IL12RB1: variants seen among roughly 807,000 people sequenced by gnomAD.
The protein encoded by IL12RB1 is interleukin-12 receptor subunit beta-1.
A neutral mutation model predicts 94.4 loss-of-function variants in IL12RB1; 64 were observed. The observed-to-expected ratio is 0.68, with a 90% CI of 0.55 to 0.83. The LOEUF (loss-of-function observed/expected upper bound fraction) is 0.83. Ranked by LOEUF, IL12RB1 falls within the 40% of genes least tolerant of loss-of-function variation. The pLI is 0.00. For missense variants in IL12RB1, 814 were observed against 855.6 expected, an observed-to-expected ratio of 0.95 and a Z score of 0.61; for synonymous variants, 362 against 355.5, an observed-to-expected ratio of 1.02 and a Z score of -0.21.
intron 12 of IL12RB1, among the ~76,000 whole-genome samples, chr19:18,065,756 T>C (rs2034528431): frequency 6.6e-6 from 1 of 151,500 alleles, no homozygotes; most frequent in African/African-American, 2.4e-5. Flanking sequence ...GAGGCAGAGG[T>C]TGCAGTGAGC....
Position 18,062,308 on chromosome 19 carries a change from G to T in IL12RB1, c.1619-31C>A, listed in dbSNP as rs377244873. The stretch of plus-strand genomic sequence containing the variant: ...GTGGGAGAGCGTGGGTTGGCAGAGG[G>T]CTACCTCCTGCCTCTTCCTCAGGGA... On this transcript the variant is annotated intron_variant, in intron 13 of 16. Transcript: ENST00000593993. The T allele has an allele frequency of 2.0e-4, 268 of 1,353,932 alleles. 4 individuals are homozygous for T. Among genetic ancestry groups the T allele is most frequent in the South Asian group, 1.8e-3 (152 of 84,258 alleles). The allele number at this position is 1,353,932 out of a possible 1,614,324, so 83.9% of individuals were successfully genotyped here.
chr19:18,068,306 G>A (rs1043101659), intron 11 of IL12RB1, 83 bp downstream of exon 11: 17 of 1,141,106 alleles, frequency 1.5e-5, no homozygotes, highest in South Asian at 4.8e-5. Context: ...GATTACATGC[G>A]TGAGTCACTG....
chr19:18,063,901 C>T lies in IL12RB1; in HGVS notation c.1593G>A (p.Trp531Ter), dbSNP rs910368200. Residue 531 changes from tryptophan (W) to a stop codon, truncating the protein, a stop_gained, in exon 13 of 17, where the codon TGG becomes TGA. Coordinates refer to ENST00000593993, the MANE Select transcript of IL12RB1 (RefSeq NM_005535.3). LOFTEE classifies it high-confidence loss of function. ...CGATGCTGAAGCGCTGGGGCTGGCT[C>T]CAGACACCCCTCAGCCACGCTGTGT... ...RADTAWLRGV[W>*]SQPQRFSIEV... The T allele has an allele frequency of 7.4e-6, 12 of 1,613,368 alleles. No individual in the cohort carries two copies. The highest frequency in any genetic ancestry group is 9.3e-6 in the Non-Finnish European group (11 of 1,179,712).
At chr19:18,061,924 T>G (rs1398411914) in intron 14 of IL12RB1, among the ~76,000 whole-genome samples, 1 of 151,682 alleles carries the variant, frequency 6.6e-6, no homozygotes, top group Non-Finnish European at 1.5e-5. Flanking sequence ...TGCATGCAAT[T>G]AAAAGTAAGT....
At chr19:18,098,157 T>C (rs2037162998) in intron 1 of IL12RB1, among the ~76,000 whole-genome samples, 2 of 152,144 alleles carry the variant, frequency 1.3e-5, no homozygotes, top group Admixed American at 1.3e-4. Flanking sequence ...CACCATATGT[T>C]CATGGTTGTT....
intron 3 of IL12RB1, among the ~76,000 whole-genome samples, 197 bp from the exon 4 acceptor site, chr19:18,081,198 C>T (rs1054450001): frequency 2.6e-5 from 4 of 151,952 alleles, no homozygotes; most frequent in African/African-American, 9.7e-5. Context: ...CTGGTTCAAG[C>T]AATTCTCCCA....
intron 1 of IL12RB1, among the ~76,000 whole-genome samples, chr19:18,092,414 T>C (rs1177657046): frequency 1.3e-5 from 2 of 151,768 alleles, no homozygotes; most frequent in African/African-American, 4.8e-5. Flanking sequence ...CACTTGAACC[T>C]GGTAAGCGGG....
rs1405798438 is a variant in IL12RB1 at position 18,059,900 on chromosome 19, C to T, written c.1977G>A (p.Lys659=). ...ELSLEDGDRC[K]AKM ...GCCCACTGGGCCCCAGGACCTTGGCCTTGCACCTGTCTCCATCCTCCAAGG... is the reference window on the plus strand; with the variant it reads ...GCCCACTGGGCCCCAGGACCTTGGCTTTGCACCTGTCTCCATCCTCCAAGG... Residue 659 remains lysine (K), a synonymous_variant, in exon 16 of 17, where the codon AAG becomes AAA. Transcript: ENST00000593993. The T allele has an allele frequency of 6.4e-7, 1 of 1,574,530 alleles. No individual in the cohort carries two copies. Among genetic ancestry groups the T allele is most frequent in the South Asian group, 1.2e-5 (1 of 86,272 alleles).
At chr19:18,097,888 C>T in intron 1 of IL12RB1, 1 of 1,196,358 alleles carries the variant, frequency 8.4e-7, no homozygotes, top group Non-Finnish European at 1.0e-6. Context: ...TGGACGCGGC[C>T]TGAAAGGTGC....
upstream of IL12RB1, chr19:18,091,586 G>A (rs1041130839): frequency 1.3e-5 from 2 of 152,200 alleles, no homozygotes; most frequent in Non-Finnish European, 2.9e-5. Flanking sequence ...TTAGCCAGGA[G>A]ACAACCCATT....
exon 1 of IL12RB1, chr19:18,098,857 G>C (rs1417835625): frequency 2.2e-6 from 1 of 454,684 alleles, no homozygotes; most frequent in Non-Finnish European, 4.4e-6. Flanking sequence ...CCAACCTGTT[G>C]GGGGAGGTAG....
intron 9 of IL12RB1, chr19:18,070,435 C>T: frequency 1.4e-6 from 1 of 692,152 alleles, no homozygotes; most frequent in Non-Finnish European, 1.8e-6. Context: ...ACCGGCGCCA[C>T]TGGTGGTCTC....
In IL12RB1 at chr19:18,080,902, G is replaced by C. The variant is rs1384560309; in HGVS notation, c.339C>G (p.Leu113=). ...AGVSVLYTVT[L]WVESWARNQT... is the part of the protein sequence containing the mutation. The stretch of plus-strand genomic sequence containing the variant: ...GGTTCCTGGCCCAGGATTCCACCCA[G>C]AGTGTGACAGTGTACAGCACAGACA... Residue 113 remains leucine (L), a synonymous_variant, in exon 4 of 17, where the codon CTC becomes CTG. Transcript: ENST00000593993. The C allele has an allele frequency of 1.2e-6, 2 of 1,613,098 alleles. No homozygotes were observed. The highest frequency in any genetic ancestry group is 1.7e-5 in the Admixed American group (1 of 59,988).
chr19:18,091,873 T>TC (rs1368528952), upstream of IL12RB1, among the ~76,000 whole-genome samples: 2 of 149,972 alleles, frequency 1.3e-5, no homozygotes, highest in African/African-American at 4.9e-5. Context: ...CTTTTCTTTT[T>TC]TTTTTTTTTT....
chr19:18,078,252 C>G (rs529411006), intron 4 of IL12RB1, among the ~76,000 whole-genome samples: 49 of 151,414 alleles, frequency 3.2e-4, no homozygotes, highest in Non-Finnish European at 5.6e-4. Context: ...CTACTAAATA[C>G]AAAAATTAGC....
intron 15 of IL12RB1, among the ~76,000 whole-genome samples, chr19:18,060,312 C>G (rs2146066786): frequency 6.6e-6 from 1 of 152,232 alleles, no homozygotes; most frequent in Middle Eastern, 3.4e-3. Context: ...AACCCCATCT[C>G]TACTAAAAAT....
At chr19:18,096,859 T>G (rs2036980017) in intron 1 of IL12RB1, among the ~76,000 whole-genome samples, 1 of 149,404 alleles carries the variant, frequency 6.7e-6, no homozygotes, top group Non-Finnish European at 1.5e-5. Context: ...AGTTTTGGTG[T>G]TTTGGCCATA....
intron 2 of IL12RB1, among the ~76,000 whole-genome samples, chr19:18,082,682 G>T (rs74363730): frequency 6.6e-6 from 1 of 152,214 alleles, no homozygotes; most frequent in Non-Finnish European, 1.5e-5. Context: ...AACTGTGTCC[G>T]CACATAGAAG....
In IL12RB1 at chr19:18,060,099, G is replaced by T. The variant is rs749091032; in HGVS notation, c.1792-14C>A. On this transcript the variant is annotated splice_polypyrimidine_tract_variant and intron_variant, in intron 15 of 16. Transcript: ENST00000593993. ...CCACTGCCAAGTCTGCAGAGGGAGG[G>T]TAGGGCCACAGCTGTGAGCAGAGCT... The T allele has an allele frequency of 2.0e-6, 3 of 1,503,536 alleles. No individual in the cohort carries two copies. The highest frequency in any genetic ancestry group is 1.8e-6 in the Non-Finnish European group (2 of 1,083,064). The allele number at this position is 1,503,536 out of a possible 1,614,324, so 93.1% of individuals were successfully genotyped here.
Sources: allele counts gnomAD v4.1 joint callset (sites outside exome capture counted in the v4.1 genomes callset), GRCh38; gene constraint gnomAD v4.1.1; transcripts MANE v1.5; gene names NCBI Gene and HGNC (gene_info 2026-07-23, HGNC 2026-07-21).